The following FGF14 variants were observed in gnomAD, a reference collection of about 807,000 sequenced individuals.
FGF14 encodes fibroblast growth factor 14.
In FGF14, 5 loss-of-function variants were observed where a neutral mutation model predicts 25.5. That is an observed-to-expected ratio of 0.20 (90% confidence interval 0.10 to 0.41). The LOEUF is 0.41. Among genes scored for constraint, FGF14 ranks in the 10% least tolerant of loss-of-function variants. The pLI is 1.00. For synonymous variants in FGF14, 138 were observed against 118.3 expected (o/e 1.17, Z -1.08); for missense variants, 222 against 320.1 (o/e 0.69, Z 2.34).
At chr13:102,017,818 G>A (rs772267793) in intron 1 of FGF14, among the ~76,000 whole-genome samples, 2 of 151,882 alleles carry the variant, frequency 1.3e-5, no homozygotes, top group South Asian at 2.1e-4. Flanking sequence ...CTTTTTGGTC[G>A]TTTGGACTGT....
rs141940238 is a variant in FGF14 at position 102,353,951 on chromosome 13, C to T, written c.208+47520G>A. Among the ~76,000 whole-genome samples the T allele has an allele frequency of 3.9e-5, 6 of 152,290 alleles. No homozygotes were observed. The East Asian group carries it at 5.8e-4, about 15-fold the overall frequency. ...GCTTCCCACCCTGAGCCTACATTCA[C>T]CATGTCTGTTGTATAGACTTTTTGA... On this transcript the variant is annotated intron_variant, in intron 1 of 4. Coordinates refer to the FGF14 transcript ENST00000376131.
intron 1 of FGF14, among the ~76,000 whole-genome samples, chr13:102,035,418 C>T (rs1315139972): frequency 2.6e-5 from 4 of 152,048 alleles, no homozygotes; most frequent in Non-Finnish European, 5.9e-5. Context: ...CTGTCCTGTC[C>T]TGCAACACAT....
At chr13:102,313,611 G>A (rs1167099336) in intron 1 of FGF14, among the ~76,000 whole-genome samples, 1 of 152,118 alleles carries the variant, frequency 6.6e-6, no homozygotes, top group Non-Finnish European at 1.5e-5. Context: ...GGGCAGGGGA[G>A]GGGGGTAAGA....
At chr13:102,089,566 C>T (rs535420557) in intron 1 of FGF14, among the ~76,000 whole-genome samples, 2 of 152,150 alleles carry the variant, frequency 1.3e-5, no homozygotes, top group Non-Finnish European at 2.9e-5. Flanking sequence ...ACTGCCTAAA[C>T]GTTCCACATT....
chr13:101,873,527 C>A (rs1314858343), intron 2 of FGF14, among the ~76,000 whole-genome samples: 2 of 152,000 alleles, frequency 1.3e-5, no homozygotes, highest in Admixed American at 1.3e-4. Context: ...TCCTCCCAGG[C>A]CAAACAAAAT....
At chr13:102,134,703 G>A (rs945732266) in intron 1 of FGF14, among the ~76,000 whole-genome samples, 1 of 152,152 alleles carries the variant, frequency 6.6e-6, no homozygotes, top group African/African-American at 2.4e-5. Flanking sequence ...TCCTTATAGT[G>A]ACTGATATGG....
chr13:102,034,245 C>A (rs16959647), intron 1 of FGF14, among the ~76,000 whole-genome samples: 62 of 152,154 alleles, frequency 4.1e-4, no homozygotes, highest in Admixed American at 3.5e-3. Context: ...CAATGGAGCA[C>A]GACAAGTCAT....
chr13:101,814,667 A>G (rs1014482251), intron 3 of FGF14, among the ~76,000 whole-genome samples: 3 of 152,196 alleles, frequency 2.0e-5, no homozygotes, highest in African/African-American at 7.2e-5. Flanking sequence ...AAATGGAATC[A>G]TATAATATTT....
intron 1 of FGF14, among the ~76,000 whole-genome samples, chr13:101,977,954 A>C (rs2038028250): frequency 6.6e-6 from 1 of 152,120 alleles, no homozygotes. Context: ...AAAAAAAAAA[A>C]AACTAGCATA....
At chr13:102,017,248 A>G (rs768430900) in intron 1 of FGF14, among the ~76,000 whole-genome samples, 1 of 152,152 alleles carries the variant, frequency 6.6e-6, no homozygotes. Flanking sequence ...TTGTGTTTAT[A>G]GTCACCCTAG....
chr13:102,071,919 T>C (rs2043170251), intron 1 of FGF14, among the ~76,000 whole-genome samples: 1 of 152,172 alleles, frequency 6.6e-6, no homozygotes, highest in African/African-American at 2.4e-5. Context: ...ACAGACTTAC[T>C]ATTGGCAAAA....
rs2034535887 is a variant in FGF14, at chr13:101,712,813, G to A, written c.*10018C>T. On this transcript the variant is annotated 3_prime_UTR_variant, in exon 5 of 5. Coordinates refer to ENST00000376143, the MANE Select transcript of FGF14 (RefSeq NM_004115.4). ...ATGTGAAAGAAAGTCTTCAAAATTA[G>A]GATAAAGAAATCTCTAAAATCAGGA... 1 of 152,086 alleles carries A rather than the reference G, an allele frequency of 6.6e-6. No homozygotes were observed. Among genetic ancestry groups the A allele is most frequent in the African/African-American group, 2.4e-5 (1 of 41,424 alleles). The allele number at this position is 152,086 out of a possible 1,614,324, so 9.4% of individuals were successfully genotyped here.
chr13:102,369,348 C>T (rs2057808819), intron 1 of FGF14, among the ~76,000 whole-genome samples: 1 of 152,182 alleles, frequency 6.6e-6, no homozygotes, highest in African/African-American at 2.4e-5. Flanking sequence ...TTGCCCAGAT[C>T]CATTCTGCTT....
chr13:101,999,427 A>G (rs2039361540), intron 1 of FGF14, among the ~76,000 whole-genome samples: 1 of 151,876 alleles, frequency 6.6e-6, no homozygotes, highest in Non-Finnish European at 1.5e-5. Flanking sequence ...CTCTTAACAC[A>G]CAGATCTCCA....
At chr13:101,974,474 G>A (rs530259095) in intron 1 of FGF14, among the ~76,000 whole-genome samples, 3 of 152,216 alleles carry the variant, frequency 2.0e-5, no homozygotes, top group East Asian at 3.9e-4. Context: ...ATATAAACTA[G>A]CTTTAATGAC....
intron 1 of FGF14, among the ~76,000 whole-genome samples, chr13:101,892,114 GAAAAT>G (rs2138899613): frequency 6.6e-6 from 1 of 152,190 alleles, no homozygotes; most frequent in South Asian, 2.1e-4. Flanking sequence ...GCATAGCAAG[GAAAAT>G]AAAATAATAG....
chr13:101,788,925 G>T (rs867314462), intron 3 of FGF14, among the ~76,000 whole-genome samples: 62 of 31,044 alleles, frequency 2.0e-3, no homozygotes, highest in East Asian at 0.014. Flanking sequence ...GAGAGAGAGA[G>T]AGAGAGAGAG....
intron 1 of FGF14, among the ~76,000 whole-genome samples, chr13:101,925,412 C>A (rs1239210220): frequency 6.6e-6 from 1 of 152,188 alleles, no homozygotes; most frequent in East Asian, 1.9e-4. Context: ...TAAGAGGGCA[C>A]TTCCTCCTGC....
rs1440945877 is a variant in FGF14, at chr13:101,718,342, C to T, written c.*4489G>A. ...AAAATAAAATAGTTACATGTAAAGA[C>T]ATAAACTCTTTCCTTCTTAAATGTG... is the stretch of plus-strand genomic sequence containing the variant. On this transcript the variant is annotated 3_prime_UTR_variant, in exon 5 of 5. Coordinates refer to ENST00000376143, the MANE Select transcript of FGF14 (RefSeq NM_004115.4). 2 of 152,072 alleles carry T rather than the reference C, an allele frequency of 1.3e-5. No individual in the cohort carries two copies. Among genetic ancestry groups the T allele is most frequent in the African/African-American group, 2.4e-5 (1 of 41,416 alleles). The allele number at this position is 152,072 out of a possible 1,614,324, so 9.4% of individuals were successfully genotyped here.
Sources: gnomAD v4.1 joint callset for allele counts (sites outside exome capture counted in the v4.1 genomes callset) on GRCh38, gnomAD v4.1.1 for gene constraint, MANE v1.5 for transcripts, NCBI Gene and HGNC (gene_info 2026-07-23, HGNC 2026-07-21) for gene names.